CERS6: variants seen among roughly 807,000 people sequenced by gnomAD.
The protein encoded by CERS6 is LAG1 homolog, ceramide synthase 6.
Under a neutral mutation model 56.8 loss-of-function variants are expected in CERS6, and 26 were observed. That is an observed-to-expected ratio of 0.46 (90% CI 0.34 to 0.63). The LOEUF is 0.63. CERS6 is among the 30% of genes least tolerant of loss of function. CERS6 has a pLI of 0.01. For synonymous variants in CERS6, 164 were observed against 173.3 expected (o/e 0.95, Z 0.42); for missense variants, 415 against 467.5 (o/e 0.89, Z 1.04).
intron 8 of CERS6, among the ~76,000 whole-genome samples, chr2:168,722,873 C>G (rs62174438): frequency 0.017 from 2,561 of 152,350 alleles, 42 homozygotes; most frequent in South Asian, 0.05. Flanking sequence ...GATCTCTCCA[C>G]TGTTCCTTCC....
intron 4 of CERS6, among the ~76,000 whole-genome samples, chr2:168,681,085 G>C (rs940008984): frequency 6.6e-6 from 1 of 152,216 alleles, no homozygotes; most frequent in Non-Finnish European, 1.5e-5. Context: ...AACAATGTGT[G>C]AATGAGAAGC....
intron 1 of CERS6, among the ~76,000 whole-genome samples, chr2:168,496,702 CTTATA>C (rs1378158942): frequency 6.6e-6 from 1 of 151,998 alleles, no homozygotes; most frequent in Non-Finnish European, 1.5e-5. Flanking sequence ...TTGTAGAGTA[CTTATA>C]TTATGTTGCT....
At chr2:168,651,676 G>A (rs932065484) in intron 4 of CERS6, among the ~76,000 whole-genome samples, 2 of 152,130 alleles carry the variant, frequency 1.3e-5, no homozygotes, top group Middle Eastern at 3.2e-3. Flanking sequence ...AATTCACTCA[G>A]TATCATGAGA....
At chr2:168,576,521 T>C (rs1357171149) in intron 3 of CERS6, among the ~76,000 whole-genome samples, 3 of 152,226 alleles carry the variant, frequency 2.0e-5, no homozygotes. Flanking sequence ...TTTCTATTTC[T>C]TTCCAGATAC....
chr2:168,460,995 A>T (rs1017692243), intron 1 of CERS6, among the ~76,000 whole-genome samples: 2 of 151,208 alleles, frequency 1.3e-5, no homozygotes, highest in African/African-American at 2.4e-5. Context: ...AGAGAGAGAG[A>T]GTGTGAGAGC....
At chr2:168,667,391 C>T (rs1201640074) in intron 4 of CERS6, among the ~76,000 whole-genome samples, 1 of 152,192 alleles carries the variant, frequency 6.6e-6, no homozygotes, top group Non-Finnish European at 1.5e-5. Flanking sequence ...CCACCCAAGC[C>T]CAGCCCTGCC....
At chr2:168,742,094 A>AT (rs1683927118) in intron 8 of CERS6, among the ~76,000 whole-genome samples, 1 of 152,192 alleles carries the variant, frequency 6.6e-6, no homozygotes, top group Non-Finnish European at 1.5e-5. Context: ...TTGTGTTAAC[A>AT]TTTCATTGGT....
intron 1 of CERS6, among the ~76,000 whole-genome samples, chr2:168,475,549 T>G (rs902408596): frequency 2.0e-5 from 3 of 152,176 alleles, no homozygotes; most frequent in African/African-American, 7.2e-5. Context: ...AATCAATGAT[T>G]AAATTTAATG....
intron 4 of CERS6, among the ~76,000 whole-genome samples, chr2:168,672,513 C>T (rs1017491205): frequency 1.3e-5 from 2 of 152,158 alleles, no homozygotes; most frequent in Non-Finnish European, 2.9e-5. Flanking sequence ...AAAGAGAGGC[C>T]TAATTCTACT....
At chr2:168,517,852 G>A (rs1280426824) in intron 1 of CERS6, among the ~76,000 whole-genome samples, 1 of 152,114 alleles carries the variant, frequency 6.6e-6, no homozygotes, top group Non-Finnish European at 1.5e-5. Flanking sequence ...ATTTTGGAGG[G>A]GAAAGTATTC....
intron 1 of CERS6, among the ~76,000 whole-genome samples, chr2:168,474,545 A>G (rs970426601): frequency 1.3e-5 from 2 of 152,248 alleles, no homozygotes; most frequent in African/African-American, 4.8e-5. Flanking sequence ...TTAATCTATA[A>G]AGAAAACAAC....
At chr2:168,617,081 C>A (rs919030918) in intron 3 of CERS6, among the ~76,000 whole-genome samples, 1 of 152,092 alleles carries the variant, frequency 6.6e-6, no homozygotes, top group Non-Finnish European at 1.5e-5. Flanking sequence ...CAAAAGGAAC[C>A]TTCAAAACCA....
In CERS6 at chr2:168,578,605, G is replaced by A. The variant is rs150161294; in HGVS notation, c.407+17283G>A. Among the ~76,000 whole-genome samples the A allele has an allele frequency of 2.0e-3, 297 of 152,132 alleles. 1 individual carries two copies. The highest frequency in any genetic ancestry group is 6.7e-3 in the African/African-American group (280 of 41,522). On this transcript the variant is annotated intron_variant, in intron 3 of 9. Coordinates refer to ENST00000305747, the MANE Select transcript of CERS6 (RefSeq NM_203463.3). The stretch of plus-strand genomic sequence containing the variant: ...GCCAACCAGACAGTTTTCTAAAGCT[G>A]TATAAAAATAAGAGAGAAAGGAGAG...
intron 3 of CERS6, among the ~76,000 whole-genome samples, chr2:168,606,723 T>A (rs1684062067): frequency 6.6e-6 from 1 of 152,224 alleles, no homozygotes; most frequent in African/African-American, 2.4e-5. Flanking sequence ...AATCTCATAC[T>A]GATATGTAAT....
intron 3 of CERS6, among the ~76,000 whole-genome samples, chr2:168,584,138 C>T (rs1249618984): frequency 1.3e-5 from 2 of 152,202 alleles, no homozygotes; most frequent in African/African-American, 2.4e-5. Flanking sequence ...AAGTAATTTC[C>T]TAAGTAATCA....
At chr2:168,475,508 T>G (rs1694052501) in intron 1 of CERS6, among the ~76,000 whole-genome samples, 2 of 149,164 alleles carry the variant, frequency 1.3e-5, no homozygotes, top group Non-Finnish European at 3.0e-5. Context: ...GAGAACTTAC[T>G]GCGTATGGAT....
chr2:168,629,911 G>A (rs1192752720), intron 3 of CERS6, among the ~76,000 whole-genome samples: 1 of 151,706 alleles, frequency 6.6e-6, no homozygotes, highest in Non-Finnish European at 1.5e-5. Context: ...CACCTCCCGG[G>A]TTCACGCCAT....
intron 3 of CERS6, among the ~76,000 whole-genome samples, chr2:168,563,660 G>T (rs1224655121): frequency 6.6e-6 from 1 of 152,120 alleles, no homozygotes; most frequent in African/African-American, 2.4e-5. Context: ...AGCCAGATGT[G>T]GTGGCAGGCG....
intron 4 of CERS6, among the ~76,000 whole-genome samples, chr2:168,666,316 C>T (rs1010189015): frequency 6.6e-6 from 1 of 152,158 alleles, no homozygotes; most frequent in Non-Finnish European, 1.5e-5. Context: ...GCCTGTTCAT[C>T]CCTTCCTTCC....
Sources: gnomAD v4.1 joint callset for allele counts (sites outside exome capture counted in the v4.1 genomes callset) on GRCh38, gnomAD v4.1.1 for gene constraint, MANE v1.5 for transcripts, NCBI Gene and HGNC (gene_info 2026-07-23, HGNC 2026-07-21) for gene names.